Variants in SCAP observed in about 807,000 individuals in gnomAD.
SCAP encodes the protein SREBF chaperone.
A neutral mutation model predicts 123.6 loss-of-function variants in SCAP; 65 were observed. That is an observed-to-expected ratio of 0.53 (90% CI 0.43 to 0.65). The LOEUF (loss-of-function observed/expected upper bound fraction) is 0.65, where lower values mean the gene tolerates loss of function less well. Among genes scored for constraint, SCAP ranks in the 30% least tolerant of loss-of-function variants. SCAP has a pLI of 0.00. For missense variants in SCAP, 1,398 were observed against 1,712.5 expected, an observed-to-expected ratio of 0.82 and a Z score of 3.24; for synonymous variants, 740 against 726.3, an observed-to-expected ratio of 1.02 and a Z score of -0.30.
chr3:47,419,284 T>C lies in SCAP; in HGVS notation c.1940+44A>G. The C allele has an allele frequency of 1.3e-6, 2 of 1,568,254 alleles. No individual in the cohort carries two copies. Among genetic ancestry groups the C allele is most frequent in the Middle Eastern group, 1.7e-4 (1 of 5,834 alleles). On this transcript the variant is annotated intron_variant, in intron 13 of 22. Coordinates refer to ENST00000265565, the MANE Select transcript of SCAP (RefSeq NM_012235.4). This position sits in a 1 kb window ranked among gnomAD's most constrained non-coding sequence, Gnocchi z 5.0. ...TGCATTGGGGAAAGGGGATGGTGAG[T>C]TGACACCATCGAGTGAGGTGGCACC...
chr3:47,443,114 A>G (rs1706870573), intron 1 of SCAP, 23 bp from the exon 2 acceptor site: 2 of 1,512,578 alleles, frequency 1.3e-6, no homozygotes, highest in African/African-American at 2.8e-5. Flanking sequence ...GAGAAAAGCC[A>G]GTTAACAAAG....
chr3:47,473,435 C>A (rs879828267), intron 1 of SCAP, among the ~76,000 whole-genome samples: 5 of 152,114 alleles, frequency 3.3e-5, no homozygotes, highest in African/African-American at 1.2e-4. Flanking sequence ...CAAGTTCTAA[C>A]GGAAGGAGCT....
At chr3:47,457,003 T>C (rs377198618) in intron 1 of SCAP, among the ~76,000 whole-genome samples, 61 of 152,238 alleles carry the variant, frequency 4.0e-4, no homozygotes, top group African/African-American at 1.3e-3. Context: ...CTGGCCAACA[T>C]GGTGAAACCC....
At chr3:47,433,845 G>C (rs1215278921) in intron 3 of SCAP, among the ~76,000 whole-genome samples, 6 of 152,052 alleles carry the variant, frequency 3.9e-5, no homozygotes, top group African/African-American at 1.4e-4. Context: ...CTCCACCCTG[G>C]GCAACAGAGT....
chr3:47,472,882 A>G (rs1468569811), intron 1 of SCAP, among the ~76,000 whole-genome samples: 4 of 151,970 alleles, frequency 2.6e-5, no homozygotes, highest in African/African-American at 9.7e-5. Context: ...GGAGTCTGAG[A>G]CCAGCCTGAC....
At position 47,419,633 on chromosome 3, in the gene SCAP, G is replaced by A. The variant is rs1335682230; in HGVS notation, c.1635C>T (p.Ala545=). ...CCAATGGGCTCTGTTCCGTCACCTG[G>A]GCAGCGAGGTAGTTGCGCAGCCCTG... The part of the protein sequence containing the change: ...DPAGLRNYLA[A]QVTEQSPLGE... The change falls in exon 13 of 23, where the codon GCC becomes GCT. Residue 545 remains alanine (A), a synonymous_variant. Transcript: ENST00000265565. The surrounding 1 kb of genome is among the most constrained non-coding windows in gnomAD (Gnocchi z 5.0). The A allele has an allele frequency of 1.3e-6, 2 of 1,576,576 alleles. No homozygotes were observed. Among genetic ancestry groups the A allele is most frequent in the African/African-American group, 2.7e-5 (2 of 73,940 alleles).
chr3:47,448,002 CAAAAAAAAAAAAAAAAAA>C (rs35075035), intron 1 of SCAP, among the ~76,000 whole-genome samples: 3 of 66,306 alleles, frequency 4.5e-5, no homozygotes, highest in East Asian at 5.9e-4. Flanking sequence ...GACTCCGTCT[CAAAAAAAAAAAAAAAAAA>C]AAAAAAAAAA....
chr3:47,414,981 C>T lies in SCAP; in HGVS notation c.3152G>A (p.Arg1051Gln), dbSNP rs201451588. 1.3e-5 allele frequency: 21 copies of T among 1,591,638 alleles called. No individual in the cohort carries two copies. Among genetic ancestry groups the T allele is most frequent in the East Asian group, 8.9e-5 (4 of 44,714 alleles). ...CACTGGAGAGGCAGGGGAACTGCCC[C>T]GCCCTGGGGTCCCTGAGGACAAAAG... Reference protein sequence around the residue: ...SPLQFRGTPGRGSSPASPVYS... With the variant: ...SPLQFRGTPGQGSSPASPVYS... The change falls in exon 20 of 23, where the codon CGG becomes CAG. Residue 1051 changes from arginine to glutamine, a missense_variant. This residue lies in a region of SCAP where 828 missense variants were observed against 882.5 expected (regional missense o/e 0.94). Transcript: ENST00000265565.
At chr3:47,421,574 G>A (rs149558460) in intron 10 of SCAP, among the ~76,000 whole-genome samples, 26 of 152,364 alleles carry the variant, frequency 1.7e-4, no homozygotes, top group African/African-American at 4.6e-4. Context: ...CTGAGATGTC[G>A]GTGTTGAGAC....
chr3:47,418,058 G>T, intron 16 of SCAP, 76 bp downstream of exon 16: 1 of 1,075,804 alleles, frequency 9.3e-7, no homozygotes, highest in Non-Finnish European at 1.4e-6. Context: ...AAGAAAGGAG[G>T]GGAGATACGT....
chr3:47,469,493 A>T (rs1248509571), intron 1 of SCAP, among the ~76,000 whole-genome samples: 1 of 152,136 alleles, frequency 6.6e-6, no homozygotes, highest in Non-Finnish European at 1.5e-5. Flanking sequence ...AAGTAGCTAG[A>T]ATTACAGGTG....
chr3:47,468,137 G>T (rs1040671051), intron 1 of SCAP, among the ~76,000 whole-genome samples: 4 of 152,238 alleles, frequency 2.6e-5, no homozygotes, highest in Non-Finnish European at 4.4e-5. Context: ...CATTTGGGTT[G>T]GTTCCAAGTC....
chr3:47,467,392 C>T (rs920748084), intron 1 of SCAP, among the ~76,000 whole-genome samples: 23 of 151,780 alleles, frequency 1.5e-4, no homozygotes, highest in Non-Finnish European at 5.9e-5. Flanking sequence ...GTCACTTGAG[C>T]TCAGGAGTTC....
chr3:47,417,046 G>T, intron 18 of SCAP, 76 bp downstream of exon 18: 1 of 1,322,344 alleles, frequency 7.6e-7, no homozygotes, highest in South Asian at 1.3e-5. Context: ...AAGAGAACCA[G>T]AACTCAAGAC....
intron 1 of SCAP, among the ~76,000 whole-genome samples, chr3:47,464,680 T>C (rs1707762007): frequency 6.6e-6 from 1 of 152,172 alleles, no homozygotes. Flanking sequence ...ACTAAAAGCT[T>C]TTCCCCTAAA....
At chr3:47,427,720 C>G in intron 4 of SCAP, 53 bp from the exon 5 acceptor site, 2 of 1,499,932 alleles carry the variant, frequency 1.3e-6, no homozygotes, top group Non-Finnish European at 1.8e-6. Flanking sequence ...ACAGGGCAGA[C>G]CTGCTGTACT....
chr3:47,438,046 C>A (rs2107886401), intron 2 of SCAP, among the ~76,000 whole-genome samples: 1 of 152,170 alleles, frequency 6.6e-6, no homozygotes, highest in Non-Finnish European at 1.5e-5. Flanking sequence ...TTAATGTTAA[C>A]CATTTAGAGG....
At chr3:47,471,876 C>G (rs937029009) in intron 1 of SCAP, among the ~76,000 whole-genome samples, 2 of 151,960 alleles carry the variant, frequency 1.3e-5, no homozygotes, top group South Asian at 4.1e-4. Context: ...TATGGTGGTT[C>G]ATGCCTGTAA....
In SCAP at chr3:47,419,794, A is replaced by G; in HGVS notation, c.1564-90T>C. 1 of 1,438,320 alleles carries G rather than the reference A, an allele frequency of 7.0e-7. No homozygotes were observed. Among genetic ancestry groups the G allele is most frequent in the Admixed American group, 2.5e-5 (1 of 40,736 alleles). The allele number at this position is 1,438,320 out of a possible 1,614,324, so 89.1% of individuals were successfully genotyped here. A position where few individuals can be genotyped will look rare whatever the true frequency, so the allele number is the denominator to read the frequency against. On this transcript the variant is annotated intron_variant, in intron 12 of 22. Transcript: ENST00000265565. This position sits in a 1 kb window ranked among gnomAD's most constrained non-coding sequence, Gnocchi z 5.0. ...CATGCTGAGAGGAAGCAGCACAGGGACCTCAGGCCTGGGGATGGAGAGAGG... is the reference window on the plus strand; with the variant it reads ...CATGCTGAGAGGAAGCAGCACAGGGGCCTCAGGCCTGGGGATGGAGAGAGG...
Sources: gnomAD v4.1 joint callset for allele counts (sites outside exome capture counted in the v4.1 genomes callset) on GRCh38, gnomAD v4.1.1 for gene constraint, gnomAD v4.1.1 regional missense constraint, Gnocchi (gnomAD v3.1) non-coding constraint, MANE v1.5 for transcripts, NCBI Gene and HGNC (gene_info 2026-07-23, HGNC 2026-07-21) for gene names.